OSBPL11: variants seen among roughly 807,000 people sequenced by gnomAD.
The protein encoded by OSBPL11 is oxysterol-binding protein-related protein 11.
In OSBPL11, 33 loss-of-function variants were observed where a neutral mutation model predicts 84.4. The ratio of observed to expected loss-of-function variants is 0.39; its 90% CI spans 0.30 to 0.52. The LOEUF (loss-of-function observed/expected upper bound fraction) is 0.52. Among genes scored for constraint, OSBPL11 ranks in the 20% least tolerant of loss-of-function variants. The pLI is 0.72. For synonymous variants in OSBPL11, 276 were observed against 310.2 expected (o/e 0.89, Z 1.16); for missense variants, 736 against 901.1 (o/e 0.82, Z 2.35).
At chr3:125,545,527 C>G (rs1935799243) in intron 10 of OSBPL11, among the ~76,000 whole-genome samples, 1 of 152,116 alleles carries the variant, frequency 6.6e-6, no homozygotes, top group Admixed American at 6.5e-5. Context: ...ATTATAATCT[C>G]AGACTGAAAG....
chr3:125,533,713 C>T (rs1935596367), intron 11 of OSBPL11, among the ~76,000 whole-genome samples: 1 of 152,114 alleles, frequency 6.6e-6, no homozygotes, highest in Non-Finnish European at 1.5e-5. Context: ...CAAGACATAA[C>T]AATCCTAAAT....
chr3:125,573,312 A>G (rs1396159656), intron 5 of OSBPL11, among the ~76,000 whole-genome samples: 1 of 152,194 alleles, frequency 6.6e-6, no homozygotes, highest in East Asian at 1.9e-4. Flanking sequence ...CAGGTGGCAT[A>G]TAATTTGTCT....
At chr3:125,575,006 C>A (rs780394825) in intron 5 of OSBPL11, among the ~76,000 whole-genome samples, 2 of 152,086 alleles carry the variant, frequency 1.3e-5, no homozygotes, top group African/African-American at 4.8e-5. Flanking sequence ...GGTATAGTAA[C>A]AAAGAATAGC....
At chr3:125,568,851 C>T (rs974409275) in intron 5 of OSBPL11, among the ~76,000 whole-genome samples, 17 of 152,196 alleles carry the variant, frequency 1.1e-4, no homozygotes, top group African/African-American at 4.1e-4. Context: ...GCAGAAGGCT[C>T]TCTAATGGAC....
At position 125,529,809 on chromosome 3, in the gene OSBPL11, ATGT is replaced by A. The variant is rs1935530298; in HGVS notation, c.*703_*705del. On this transcript the variant is annotated 3_prime_UTR_variant, in exon 13 of 13. Coordinates refer to ENST00000296220, the MANE Select transcript of OSBPL11 (RefSeq NM_022776.5). ...AAATGTTCTGAAATTTTTCAAGTCA[ATGT>A]TGTTTTCAAGTATATTAAAATGCTC... 6.6e-6 allele frequency: 1 copy of A among 152,656 alleles called. No homozygotes were observed. Among genetic ancestry groups the A allele is most frequent in the Admixed American group, 6.5e-5 (1 of 15,278 alleles). The allele number at this position is 152,656 out of a possible 1,614,324, so 9.5% of individuals were successfully genotyped here. A position where few individuals can be genotyped will look rare whatever the true frequency, so the allele number is the denominator to read the frequency against.
rs780820341 is a variant in OSBPL11 at position 125,547,524 on chromosome 3, T to C, written c.1723A>G (p.Ile575Val). Residue 575 changes from isoleucine (I) to valine (V), a missense_variant, in exon 10 of 13, where the codon ATT becomes GTT. This residue lies in a region of OSBPL11 where 579 missense variants were observed against 717.6 expected (regional missense o/e 0.81). Coordinates refer to ENST00000296220, the MANE Select transcript of OSBPL11 (RefSeq NM_022776.5). ...AGTTCTACCCAAGGAACAGTCAAAA[T>C]TGACCGAGCATATGCACAGGGTAGA... ...FSLPCAYARS[I>V]LTVPWVELGG... 7 of 1,613,984 alleles carry C rather than the reference T, an allele frequency of 4.3e-6. No homozygotes were observed. The highest frequency in any genetic ancestry group is 1.7e-5 in the Admixed American group (1 of 60,008).
chr3:125,594,817 A>G lies in OSBPL11; in HGVS notation c.-17T>C, dbSNP rs1208429721. Reference sequence around the variant, plus strand: ...CCCCTGCATCTTAACGCCAAAGTCCACTTGCCCTTCTTGAGCGGGAGAGAA... The same window carrying G: ...CCCCTGCATCTTAACGCCAAAGTCCGCTTGCCCTTCTTGAGCGGGAGAGAA... On this transcript the variant is annotated 5_prime_UTR_variant, in exon 1 of 13. Transcript: ENST00000296220. The G allele has an allele frequency of 2.5e-6, 4 of 1,610,168 alleles. No homozygotes were observed. In the East Asian group the frequency reaches 6.7e-5, roughly 27 times the overall value.
At chr3:125,542,844 C>T (rs1400338491) in intron 10 of OSBPL11, among the ~76,000 whole-genome samples, 4 of 152,062 alleles carry the variant, frequency 2.6e-5, no homozygotes, top group Non-Finnish European at 4.4e-5. Flanking sequence ...AGGGTTTCTC[C>T]ATGTTGGTCA....
chr3:125,550,189 C>T (rs779247050), intron 9 of OSBPL11, among the ~76,000 whole-genome samples: 3 of 151,904 alleles, frequency 2.0e-5, no homozygotes, highest in Non-Finnish European at 2.9e-5. Context: ...GCTTGGGCAA[C>T]ATGGCAAAAA....
intron 7 of OSBPL11, among the ~76,000 whole-genome samples, chr3:125,561,574 C>T (rs1936079963): frequency 6.6e-6 from 1 of 152,192 alleles, no homozygotes; most frequent in South Asian, 2.1e-4. Flanking sequence ...CCATATCCTT[C>T]TATTCACATT....
intron 1 of OSBPL11, among the ~76,000 whole-genome samples, chr3:125,589,558 C>A (rs1328166519): frequency 6.7e-6 from 1 of 149,192 alleles, no homozygotes; most frequent in African/African-American, 2.5e-5. Context: ...ATGTCAGATA[C>A]AGAAAACAAA....
chr3:125,531,868 A>C lies in OSBPL11; in HGVS notation c.2171T>G (p.Ile724Ser), dbSNP rs1253368569. The C allele has an allele frequency of 1.9e-6, 3 of 1,609,646 alleles. No individual in the cohort carries two copies. The highest frequency in any genetic ancestry group is 2.5e-6 in the Non-Finnish European group (3 of 1,178,858). Residue 724 changes from isoleucine to serine, a missense_variant, in exon 12 of 13, where the codon ATT (isoleucine) becomes AGT (serine). Physicochemically the swap from Ile to Ser is moderately radical, Grantham distance 142. Coordinates refer to ENST00000296220, the MANE Select transcript of OSBPL11 (RefSeq NM_022776.5). The part of the protein sequence containing the change: ...TGTPWKTKYF[I>S]KEGDGWVYHK... ...AACACATGTACAGCATACCTCTTTA[A>C]TAAAATATTTGGTTTTCCAAGGTGT...
At chr3:125,593,754 A>C (rs1334191886) in intron 1 of OSBPL11, among the ~76,000 whole-genome samples, 1 of 152,206 alleles carries the variant, frequency 6.6e-6, no homozygotes, top group Admixed American at 6.6e-5. Flanking sequence ...ATCCCTTCCA[A>C]GTTTCACAAA....
intron 5 of OSBPL11, among the ~76,000 whole-genome samples, chr3:125,574,050 T>C (rs1936280663): frequency 6.6e-6 from 1 of 152,158 alleles, no homozygotes; most frequent in African/African-American, 2.4e-5. Flanking sequence ...TCTCAAAGTG[T>C]GCTCTGCAGA....
In OSBPL11 at chr3:125,576,233, T is replaced by C; in HGVS notation, c.622A>G (p.Lys208Glu). The change falls in exon 5 of 13, where the codon AAA becomes GAA. Residue 208 changes from lysine (K) to glutamate (E), a missense_variant. This residue lies in a region of OSBPL11 where 579 missense variants were observed against 717.6 expected (regional missense o/e 0.81). Transcript: ENST00000296220. Reference protein sequence around the residue: ...VGHSKLQSLSKRTNLPPDHLV... With the variant: ...VGHSKLQSLSERTNLPPDHLV... ...TGGTCTGGAGGTAAATTAGTTCTTT[T>C]GCTCAGTGATTGCAGTTTGGAATGT... The C allele has an allele frequency of 6.2e-7, 1 of 1,611,590 alleles. No individual in the cohort carries two copies. The highest frequency in any genetic ancestry group is 2.2e-5 in the East Asian group (1 of 44,662).
chr3:125,594,454 T>A (rs1936648559), intron 1 of OSBPL11, among the ~76,000 whole-genome samples, 183 bp downstream of exon 1: 1 of 152,226 alleles, frequency 6.6e-6, no homozygotes. Flanking sequence ...TAAATACCTG[T>A]TGAATGAACA....
Position 125,530,461 on chromosome 3 carries a change from G to T in OSBPL11, c.*54C>A. On this transcript the variant is annotated 3_prime_UTR_variant, in exon 13 of 13. Transcript: ENST00000296220. ...CAGTGCAATGACTCCATTCTGGGAG[G>T]ATTTAGGGTAAACAGAGAAGAACCT... 1.3e-6 allele frequency: 2 copies of T among 1,499,848 alleles called. No individual in the cohort carries two copies. The highest frequency in any genetic ancestry group is 1.9e-6 in the Non-Finnish European group (2 of 1,076,728). The allele number at this position is 1,499,848 out of a possible 1,614,324, so 92.9% of individuals were successfully genotyped here.
intron 5 of OSBPL11, among the ~76,000 whole-genome samples, chr3:125,571,656 G>GGC (rs966657843): frequency 4.6e-5 from 7 of 152,210 alleles, no homozygotes; most frequent in African/African-American, 1.7e-4. Flanking sequence ...TGGCCTCAGA[G>GGC]GCTTCAGGTG....
chr3:125,574,480 GTTT>G (rs56689283), intron 5 of OSBPL11, among the ~76,000 whole-genome samples: 2 of 135,354 alleles, frequency 1.5e-5, no homozygotes, highest in Admixed American at 7.5e-5. Context: ...CTGATTAGCA[GTTT>G]TTTTTTTTTT....
Sources: allele counts gnomAD v4.1 joint callset (sites outside exome capture counted in the v4.1 genomes callset), GRCh38; gene constraint gnomAD v4.1.1; regional missense constraint gnomAD v4.1.1; transcripts MANE v1.5; gene names NCBI Gene and HGNC (gene_info 2026-07-23, HGNC 2026-07-21).